AMPH: variants seen among roughly 807,000 people sequenced by gnomAD.
AMPH encodes amphiphysin.
Under a neutral mutation model 99.1 loss-of-function variants are expected in AMPH, and 49 were observed. The ratio of observed to expected loss-of-function variants is 0.49; its 90% CI spans 0.39 to 0.63. The LOEUF is 0.63. Ranked by LOEUF, AMPH falls within the 20% of genes least tolerant of loss-of-function variation. The pLI, the probability that AMPH is intolerant of heterozygous loss-of-function variation, is 0.00. For missense variants in AMPH, 759 were observed against 863.4 expected (o/e 0.88, Z 1.52); for synonymous variants, 314 against 317.3 (o/e 0.99, Z 0.11).
chr7:38,479,887 T>G (rs1788226403), intron 5 of AMPH, among the ~76,000 whole-genome samples: 1 of 151,678 alleles, frequency 6.6e-6, no homozygotes, highest in South Asian at 2.1e-4. Context: ...TAAAATATAT[T>G]GACTCCTGAG....
At chr7:38,518,624 C>G (rs1178368899) in intron 2 of AMPH, among the ~76,000 whole-genome samples, 1 of 152,206 alleles carries the variant, frequency 6.6e-6, no homozygotes, top group Non-Finnish European at 1.5e-5. Context: ...TGTCCTACGC[C>G]TGTCCCACCA....
intron 11 of AMPH, among the ~76,000 whole-genome samples, chr7:38,452,184 A>C (rs1255232184): frequency 6.6e-6 from 1 of 152,194 alleles, no homozygotes; most frequent in African/African-American, 2.4e-5. Context: ...GGAATAACAC[A>C]AATGCTTTTC....
chr7:38,469,555 A>G (rs1364406028), intron 7 of AMPH, among the ~76,000 whole-genome samples: 3 of 152,142 alleles, frequency 2.0e-5, no homozygotes, highest in Non-Finnish European at 4.4e-5. Context: ...GAGATGGAGT[A>G]TGAGGAAGAG....
intron 1 of AMPH, among the ~76,000 whole-genome samples, chr7:38,612,830 A>T (rs1793733503): frequency 6.6e-6 from 1 of 152,194 alleles, no homozygotes; most frequent in African/African-American, 2.4e-5. Context: ...GTGCTTCCCC[A>T]TTTGGTTCAA....
intron 17 of AMPH, among the ~76,000 whole-genome samples, chr7:38,397,305 G>T (rs1784698756): frequency 6.6e-6 from 1 of 152,092 alleles, no homozygotes; most frequent in South Asian, 2.1e-4. Context: ...ACCTATAGAT[G>T]GTGTTGCCAC....
chr7:38,550,526 C>T (rs182655549), intron 1 of AMPH, among the ~76,000 whole-genome samples: 2 of 152,164 alleles, frequency 1.3e-5, no homozygotes, highest in Non-Finnish European at 2.9e-5. Flanking sequence ...CTCTGTTTCG[C>T]ATTTCCCTCA....
chr7:38,398,188 A>AAC, intron 17 of AMPH, among the ~76,000 whole-genome samples: 1 of 150,618 alleles, frequency 6.6e-6, no homozygotes, highest in Non-Finnish European at 1.5e-5. Context: ...TACTCAAAAA[A>AAC]AAAAAAACAA....
intron 1 of AMPH, among the ~76,000 whole-genome samples, chr7:38,566,933 T>G (rs1257774881): frequency 6.6e-6 from 1 of 152,194 alleles, no homozygotes; most frequent in African/African-American, 2.4e-5. Context: ...GCTTTTACAC[T>G]GTTGGTGGGC....
chr7:38,516,030 C>T (rs1359898570), intron 2 of AMPH, among the ~76,000 whole-genome samples: 1 of 152,118 alleles, frequency 6.6e-6, no homozygotes, highest in Non-Finnish European at 1.5e-5. Flanking sequence ...TATTCATGAG[C>T]AAAGAAATGA....
At chr7:38,556,389 C>T (rs868307801) in intron 1 of AMPH, among the ~76,000 whole-genome samples, 75 of 152,114 alleles carry the variant, frequency 4.9e-4, no homozygotes, top group African/African-American at 1.8e-3. Context: ...GAGAAACTGC[C>T]CAGGCCTTCA....
At chr7:38,415,748 T>C (rs567895025) in intron 17 of AMPH, among the ~76,000 whole-genome samples, 1 of 152,206 alleles carries the variant, frequency 6.6e-6, no homozygotes, top group African/African-American at 2.4e-5. Context: ...ATTGTTACTA[T>C]TATTTTTCAG....
intron 2 of AMPH, among the ~76,000 whole-genome samples, chr7:38,515,538 G>C (rs951352680): frequency 1.3e-5 from 2 of 152,176 alleles, no homozygotes; most frequent in African/African-American, 4.8e-5. Flanking sequence ...GTGGAACTGT[G>C]AACCAATTTA....
At chr7:38,589,746 A>T (rs35553850) in intron 1 of AMPH, among the ~76,000 whole-genome samples, 21,676 of 152,202 alleles carry the variant, frequency 0.14, 1,862 homozygotes, top group Non-Finnish European at 0.2. Flanking sequence ...TGAGTATGTG[A>T]AAGTTTAGTT....
rs954193667 is a variant in AMPH, at chr7:38,618,373, G to A, written c.69+12910C>T. Among the ~76,000 whole-genome samples the A allele has an allele frequency of 1.3e-4, 19 of 151,812 alleles. 1 individual carries two copies. In the East Asian group the frequency reaches 2.1e-3, roughly 17 times the overall value. ...AAAAAAAAAAAAAAATTAGCCACGC[G>A]TGGTGGCATGCACCTGTAGTCCCAG... On this transcript the variant is annotated intron_variant, in intron 1 of 20. Transcript: ENST00000356264.
chr7:38,396,079 C>T (rs1397179145), intron 17 of AMPH, among the ~76,000 whole-genome samples: 8 of 152,184 alleles, frequency 5.3e-5, no homozygotes, highest in Non-Finnish European at 8.8e-5. Flanking sequence ...TCTCCTATTA[C>T]GAGGATGTGG....
At chr7:38,595,496 G>C (rs1793019263) in intron 1 of AMPH, among the ~76,000 whole-genome samples, 1 of 152,228 alleles carries the variant, frequency 6.6e-6, no homozygotes, top group Non-Finnish European at 1.5e-5. Context: ...TTGTGGAGAA[G>C]TGCAAGAATC....
chr7:38,447,147 G>A (rs1460999932), intron 11 of AMPH, among the ~76,000 whole-genome samples: 1 of 152,114 alleles, frequency 6.6e-6, no homozygotes, highest in African/African-American at 2.4e-5. Context: ...CGCCTCTCAA[G>A]TAGCTGGGAT....
intron 17 of AMPH, among the ~76,000 whole-genome samples, chr7:38,405,727 T>C (rs1784965589): frequency 6.6e-6 from 1 of 152,158 alleles, no homozygotes. Flanking sequence ...ATAAAATAAA[T>C]GCTACTAGAC....
At chr7:38,397,430 T>C (rs999972802) in intron 17 of AMPH, among the ~76,000 whole-genome samples, 1 of 152,240 alleles carries the variant, frequency 6.6e-6, no homozygotes, top group African/African-American at 2.4e-5. Flanking sequence ...TAAATATACA[T>C]GTTATCACCT....
Sources: allele counts gnomAD v4.1 joint callset (sites outside exome capture counted in the v4.1 genomes callset), GRCh38; gene constraint gnomAD v4.1.1; transcripts MANE v1.5; gene names NCBI Gene and HGNC (gene_info 2026-07-23, HGNC 2026-07-21).